Variants in CAMK2G observed in about 807,000 individuals in gnomAD.
CAMK2G encodes the protein calcium/calmodulin-dependent protein kinase type II subunit gamma.
A neutral mutation model predicts 88.7 loss-of-function variants in CAMK2G; 23 were observed. The observed-to-expected ratio is 0.26, with a 90% CI of 0.19 to 0.37. CAMK2G has a LOEUF of 0.37. Among genes scored for constraint, CAMK2G ranks in the 10% least tolerant of loss-of-function variants. CAMK2G has a pLI of 1.00. For synonymous variants in CAMK2G, 263 were observed against 294.8 expected (o/e 0.89, Z 1.11); for missense variants, 476 against 780.8 (o/e 0.61, Z 4.65).
At position 73,842,110 on chromosome 10, in the gene CAMK2G, A is replaced by G; in HGVS notation, c.946+59T>C. On this transcript the variant is annotated intron_variant, in intron 12 of 22. Coordinates refer to ENST00000423381, the MANE Select transcript of CAMK2G (RefSeq NM_001367534.1). The surrounding 1 kb of genome is among the most constrained non-coding windows in gnomAD (Gnocchi z 4.6). ...ACCCAGCGGTGCCCGGGATGGCAAC[A>G]GCCCATTCCTGATCCACTCACCTCG... 5 of 1,371,116 alleles carry G rather than the reference A, an allele frequency of 3.6e-6. No individual in the cohort carries two copies. Among genetic ancestry groups the G allele is most frequent in the South Asian group, 1.2e-5 (1 of 86,318 alleles). The allele number at this position is 1,371,116 out of a possible 1,614,324, so 84.9% of individuals were successfully genotyped here. A position where few individuals can be genotyped will look rare whatever the true frequency, so the allele number is the denominator to read the frequency against.
Position 73,814,420 on chromosome 10 carries a change from A to G in CAMK2G, c.*98T>C, listed in dbSNP as rs1292342401. ...TGTAATTGAATTGTTTTAAACCTCAAACAAACAGGACTGCCGCTGTCACTC... is the reference window on the plus strand; with the variant it reads ...TGTAATTGAATTGTTTTAAACCTCAGACAAACAGGACTGCCGCTGTCACTC... On this transcript the variant is annotated 3_prime_UTR_variant, in exon 23 of 23. Coordinates refer to ENST00000423381, the MANE Select transcript of CAMK2G (RefSeq NM_001367534.1). The G allele has an allele frequency of 1.3e-5, 2 of 154,100 alleles. No individual in the cohort carries two copies. Among genetic ancestry groups the G allele is most frequent in the Non-Finnish European group, 2.9e-5 (2 of 69,036 alleles). 9.5% of individuals were successfully genotyped at this position (154,100 alleles called of 1,614,324 possible).
At chr10:73,865,832 C>T (rs1353232959) in intron 2 of CAMK2G, among the ~76,000 whole-genome samples, 1 of 152,120 alleles carries the variant, frequency 6.6e-6, no homozygotes, top group African/African-American at 2.4e-5. Context: ...GACCCTCCTC[C>T]ACGCACCTTT....
chr10:73,840,968 A>C (rs2093730039), intron 12 of CAMK2G, among the ~76,000 whole-genome samples: 1 of 152,234 alleles, frequency 6.6e-6, no homozygotes, highest in African/African-American at 2.4e-5. Flanking sequence ...AGGTGGAGCC[A>C]CACCACAGTA....
chr10:73,861,929 T>C (rs911220110), intron 2 of CAMK2G, among the ~76,000 whole-genome samples: 1 of 152,222 alleles, frequency 6.6e-6, no homozygotes, highest in African/African-American at 2.4e-5. Flanking sequence ...TTGGCATTAG[T>C]ATGATGCCCA....
chr10:73,847,941 G>T, intron 9 of CAMK2G, 47 bp downstream of exon 9: 1 of 1,116,236 alleles, frequency 9.0e-7, no homozygotes, highest in Non-Finnish European at 1.4e-6. Flanking sequence ...CGAGGAGCAA[G>T]GACATCTGCC....
intron 3 of CAMK2G, among the ~76,000 whole-genome samples, chr10:73,856,614 T>C (rs1210954264): frequency 1.3e-5 from 2 of 152,186 alleles, no homozygotes; most frequent in Admixed American, 1.3e-4. Flanking sequence ...GCAGAGGGAC[T>C]ATGGATGCGT....
chr10:73,851,397 C>T (rs1218529497), intron 5 of CAMK2G, among the ~76,000 whole-genome samples: 2 of 151,948 alleles, frequency 1.3e-5, no homozygotes, highest in Non-Finnish European at 1.5e-5. Context: ...GGCATGTGGC[C>T]GGGGAACGGT....
chr10:73,862,819 C>T (rs965475553), intron 2 of CAMK2G, among the ~76,000 whole-genome samples: 2 of 152,322 alleles, frequency 1.3e-5, no homozygotes, highest in African/African-American at 4.8e-5. Flanking sequence ...ACATCCATAG[C>T]TGCCAAGCTA....
intron 3 of CAMK2G, among the ~76,000 whole-genome samples, chr10:73,859,691 C>T (rs895445071): frequency 2.6e-5 from 4 of 152,244 alleles, no homozygotes; most frequent in African/African-American, 7.2e-5. Flanking sequence ...CAATCTGCTT[C>T]GGGTGTAATC....
intron 14 of CAMK2G, among the ~76,000 whole-genome samples, chr10:73,830,202 G>A (rs1401082328): frequency 6.6e-6 from 1 of 152,198 alleles, no homozygotes; most frequent in Non-Finnish European, 1.5e-5. Flanking sequence ...TCCATTCAGG[G>A]ATTTGCCCTT....
chr10:73,850,933 A>G (rs1323344065), intron 5 of CAMK2G, among the ~76,000 whole-genome samples: 1 of 152,170 alleles, frequency 6.6e-6, no homozygotes, highest in African/African-American at 2.4e-5. Flanking sequence ...CAAAAGTGCG[A>G]AGTGTCCCAG....
intron 18 of CAMK2G, among the ~76,000 whole-genome samples, chr10:73,820,477 TATATATATATATATA>T (rs1208393609): frequency 6.4e-5 from 2 of 31,250 alleles, no homozygotes; most frequent in South Asian, 1.6e-3. Flanking sequence ...TATATATATA[TATATATATATATATA>T]TTTTTTTTTT....
intron 14 of CAMK2G, among the ~76,000 whole-genome samples, chr10:73,833,909 G>GTTTTTT (rs778838628): frequency 6.3e-5 from 4 of 63,418 alleles, no homozygotes; most frequent in African/African-American, 8.2e-5. Flanking sequence ...TATCTACTGG[G>GTTTTTT]TTTTTTTTTT....
At chr10:73,846,887 G>C in intron 10 of CAMK2G, 1 of 243,672 alleles carries the variant, frequency 4.1e-6, no homozygotes, top group Non-Finnish European at 8.1e-6. Context: ...ATGAACCCCA[G>C]CTTGGGAATT....
chr10:73,839,373 C>A lies in CAMK2G; in HGVS notation c.1009+166G>T, dbSNP rs929130655. Reference sequence around the variant, plus strand: ...CATGGCTGGTTAGGGGGCTCCATAACAACGATGCGCTTGCAGATGCCAAGT... The same window carrying A: ...CATGGCTGGTTAGGGGGCTCCATAAAAACGATGCGCTTGCAGATGCCAAGT... On this transcript the variant is annotated intron_variant, in intron 13 of 22. Coordinates refer to ENST00000423381, the MANE Select transcript of CAMK2G (RefSeq NM_001367534.1). The surrounding 1 kb of genome is among the most constrained non-coding windows in gnomAD (Gnocchi z 4.2). Among the ~76,000 whole-genome samples the A allele has an allele frequency of 1.3e-5, 2 of 152,360 alleles. No individual in the cohort carries two copies. The highest frequency in any genetic ancestry group is 6.5e-5 in the Admixed American group (1 of 15,308).
chr10:73,860,785 G>C, intron 3 of CAMK2G, 45 bp downstream of exon 3: 1 of 1,422,142 alleles, frequency 7.0e-7, no homozygotes, highest in Non-Finnish European at 9.9e-7. Flanking sequence ...TGTTATCCCT[G>C]CTTCTACAAA....
At chr10:73,872,500 T>C (rs2136018226) in intron 2 of CAMK2G, among the ~76,000 whole-genome samples, 1 of 152,370 alleles carries the variant, frequency 6.6e-6, no homozygotes, top group East Asian at 1.9e-4. Context: ...CCCTGATGTT[T>C]ACAGATTCCC....
At chr10:73,869,119 T>TAA (rs1053507855) in intron 2 of CAMK2G, among the ~76,000 whole-genome samples, 4 of 152,220 alleles carry the variant, frequency 2.6e-5, no homozygotes, top group African/African-American at 9.7e-5. Context: ...TGGCATCTCT[T>TAA]AAAGAGTGGC....
In CAMK2G at chr10:73,848,473, CG is replaced by C; in HGVS notation, c.601+52del. 1.8e-6 allele frequency: 2 copies of C among 1,132,306 alleles called. No individual in the cohort carries two copies. Among genetic ancestry groups the C allele is most frequent in the Admixed American group, 1.7e-5 (1 of 57,716 alleles). 70.1% of individuals were successfully genotyped at this position (1,132,306 alleles called of 1,614,324 possible). A position where few individuals can be genotyped will look rare whatever the true frequency, so the allele number is the denominator to read the frequency against. On this transcript the variant is annotated intron_variant, in intron 8 of 22. Transcript: ENST00000423381. This position sits in a 1 kb window ranked among gnomAD's most constrained non-coding sequence, Gnocchi z 4.5. ...AGCGATGCCTCTTTCTTGCCATCAT[CG>C]GAAGTTGAGGGCCCTTAACAGCGAA...
Sources: gnomAD v4.1 joint callset for allele counts (sites outside exome capture counted in the v4.1 genomes callset) on GRCh38, gnomAD v4.1.1 for gene constraint, Gnocchi (gnomAD v3.1) non-coding constraint, MANE v1.5 for transcripts, NCBI Gene and HGNC (gene_info 2026-07-23, HGNC 2026-07-21) for gene names.